Variants in PCMT1 observed in about 807,000 individuals in gnomAD.
The protein encoded by PCMT1 is protein-L-isoaspartate(D-aspartate) O-methyltransferase.
Under a neutral mutation model 29.2 loss-of-function variants are expected in PCMT1, and 9 were observed. The ratio of observed to expected loss-of-function variants is 0.31; its 90% confidence interval spans 0.19 to 0.54. PCMT1 has a LOEUF of 0.54. Among genes scored for constraint, PCMT1 ranks in the 20% least tolerant of loss-of-function variants. PCMT1 has a pLI of 0.95. For missense variants in PCMT1, 184 were observed against 282.2 expected, an observed-to-expected ratio of 0.65 and a Z score of 2.49; for synonymous variants, 98 against 97.5, an observed-to-expected ratio of 1.00 and a Z score of -0.03.
At chr6:149,769,929 A>G (rs1787244343) in intron 1 of PCMT1, among the ~76,000 whole-genome samples, 1 of 152,082 alleles carries the variant, frequency 6.6e-6, no homozygotes, top group South Asian at 2.1e-4. Context: ...GAAGGCAAAT[A>G]TATATTATTG....
chr6:149,768,444 A>ATTT (rs548328646), intron 1 of PCMT1, among the ~76,000 whole-genome samples: 46 of 75,856 alleles, frequency 6.1e-4, no homozygotes, highest in Non-Finnish European at 8.0e-4. Flanking sequence ...TTAGTCTTGA[A>ATTT]TTTTTTTTTT....
intron 7 of PCMT1, among the ~76,000 whole-genome samples, chr6:149,804,867 CCT>C (rs1583062195): frequency 6.6e-6 from 1 of 151,962 alleles, no homozygotes; most frequent in Non-Finnish European, 1.5e-5. Flanking sequence ...AAAAGGTTCC[CCT>C]GTTTTCTAAT....
At chr6:149,755,707 G>C (rs1786479371) in intron 1 of PCMT1, among the ~76,000 whole-genome samples, 1 of 152,076 alleles carries the variant, frequency 6.6e-6, no homozygotes, top group African/African-American at 2.4e-5. Flanking sequence ...TTAGTCAGCT[G>C]ATATTTTAGT....
At chr6:149,806,605 G>C (rs185563456) in intron 7 of PCMT1, among the ~76,000 whole-genome samples, 221 of 151,988 alleles carry the variant, frequency 1.5e-3, no homozygotes, top group Non-Finnish European at 2.6e-3. Flanking sequence ...ATTTTGTTTT[G>C]TTTTGATACA....
At chr6:149,771,362 A>C (rs1035134715) in intron 2 of PCMT1, 96 bp downstream of exon 2, 1 of 633,466 alleles carries the variant, frequency 1.6e-6, no homozygotes, top group Non-Finnish European at 2.7e-6. Context: ...TTTATCTATT[A>C]TTACCTTCTT....
At chr6:149,752,643 T>C (rs183875418) in intron 1 of PCMT1, among the ~76,000 whole-genome samples, 1 of 152,340 alleles carries the variant, frequency 6.6e-6, no homozygotes. Context: ...ATGTTGTAAA[T>C]ATTTTTTACG....
chr6:149,769,308 C>CTTTTTTTTTTTTTTTTTTTTTTTT lies in PCMT1; in HGVS notation c.56-1853_56-1830dup, dbSNP rs372773939. On this transcript the variant is annotated intron_variant, in intron 1 of 7. Transcript: ENST00000464889. Reference sequence around the variant, plus strand: ...AGTTAGCACCTATTTGTGCAGGATTCTTTTTTTTTTTTTTTTTTTTTTTTG... The same window carrying CTTTTTTTTTTTTTTTTTTTTTTTT: ...AGTTAGCACCTATTTGTGCAGGATTCTTTTTTTTTTTTTTTTTTTTTTTTTTTTTTTTTTTTTTTTTTTTTTTTG... Among the ~76,000 whole-genome samples the CTTTTTTTTTTTTTTTTTTTTTTTT allele has an allele frequency of 5.6e-5, 4 of 71,542 alleles. 2 individuals are homozygous for CTTTTTTTTTTTTTTTTTTTTTTTT. The highest frequency in any genetic ancestry group is 3.4e-4 in the African/African-American group (4 of 11,694). 46.9% of individuals were successfully genotyped at this position (71,542 alleles called of 152,430 possible).
At chr6:149,773,394 T>A (rs1787419212) in intron 3 of PCMT1, among the ~76,000 whole-genome samples, 1 of 143,224 alleles carries the variant, frequency 7.0e-6, no homozygotes, top group Admixed American at 7.0e-5. Context: ...TTGTTTTGTT[T>A]TTGAGATGGA....
At chr6:149,784,421 A>T (rs548817730) in intron 3 of PCMT1, among the ~76,000 whole-genome samples, 2 of 152,056 alleles carry the variant, frequency 1.3e-5, no homozygotes, top group South Asian at 4.1e-4. Flanking sequence ...CCTATAAATC[A>T]CCCAGCTTTA....
chr6:149,755,452 G>C (rs1032933511), intron 1 of PCMT1, among the ~76,000 whole-genome samples: 1 of 151,826 alleles, frequency 6.6e-6, no homozygotes, highest in Non-Finnish European at 1.5e-5. Flanking sequence ...TTGAGTATCT[G>C]TATGGGCTGT....
chr6:149,771,109 A>G (rs1381883478), intron 1 of PCMT1, 53 bp from the exon 2 acceptor site: 12 of 1,053,112 alleles, frequency 1.1e-5, no homozygotes, highest in Non-Finnish European at 1.6e-5. Flanking sequence ...TTATTCTAAA[A>G]TATCTCTGAT....
chr6:149,750,116 C>A, intron 1 of PCMT1, 160 bp downstream of exon 1: 1 of 1,012,276 alleles, frequency 9.9e-7, no homozygotes, highest in Non-Finnish European at 1.4e-6. Flanking sequence ...CGCTTGCAGT[C>A]GCCTCCCTCG....
chr6:149,786,766 G>A (rs1788114030), intron 3 of PCMT1, among the ~76,000 whole-genome samples: 1 of 150,390 alleles, frequency 6.6e-6, no homozygotes, highest in Non-Finnish European at 1.5e-5. Context: ...GGGCGGCTGA[G>A]CAGAGACGCT....
At chr6:149,772,533 A>T (rs1787373353) in intron 2 of PCMT1, 1 of 444,750 alleles carries the variant, frequency 2.2e-6, no homozygotes, top group Non-Finnish European at 4.5e-6. Context: ...CTCTCAACTT[A>T]CTGAAATTCT....
chr6:149,752,036 G>GTTTT (rs60405304), intron 1 of PCMT1, among the ~76,000 whole-genome samples: 20,971 of 122,428 alleles, frequency 0.17, 2,977 homozygotes, highest in East Asian at 0.73. Flanking sequence ...AATTTTTAGG[G>GTTTT]TTTTTTTTTT....
chr6:149,788,431 C>T (rs757850878), intron 3 of PCMT1, among the ~76,000 whole-genome samples: 19 of 152,122 alleles, frequency 1.2e-4, no homozygotes, highest in Non-Finnish European at 2.2e-4. Flanking sequence ...TAAAGAATGA[C>T]TGAGAAATGG....
At chr6:149,809,505 A>G (rs1276097890) in intron 7 of PCMT1, among the ~76,000 whole-genome samples, 1 of 152,098 alleles carries the variant, frequency 6.6e-6, no homozygotes, top group Non-Finnish European at 1.5e-5. Context: ...ATAATCCAAT[A>G]CTATAGGATA....
intron 7 of PCMT1, among the ~76,000 whole-genome samples, chr6:149,806,965 C>T (rs1376779237): frequency 1.3e-5 from 2 of 152,160 alleles, no homozygotes; most frequent in African/African-American, 4.8e-5. Context: ...AGCTTTCCAC[C>T]TTTCTTACTG....
At chr6:149,752,276 C>T (rs905776841) in intron 1 of PCMT1, among the ~76,000 whole-genome samples, 1 of 151,940 alleles carries the variant, frequency 6.6e-6, no homozygotes, top group African/African-American at 2.4e-5. Flanking sequence ...TGGCTCACTG[C>T]AACCTCTGCC....
Sources: allele counts gnomAD v4.1 joint callset (sites outside exome capture counted in the v4.1 genomes callset), GRCh38; gene constraint gnomAD v4.1.1; transcripts MANE v1.5; gene names NCBI Gene and HGNC (gene_info 2026-07-23, HGNC 2026-07-21).